The following SPIN1 variants were observed in gnomAD, a reference collection of about 807,000 sequenced individuals.
The protein encoded by SPIN1 is spindlin 1.
In SPIN1, 3 loss-of-function variants were observed where a neutral mutation model predicts 26.0. The observed-to-expected ratio is 0.12, with a 90% CI of 0.05 to 0.30. SPIN1 has a LOEUF of 0.30. SPIN1 is among the 10% of genes least tolerant of loss of function. The pLI is 1.00. For missense variants in SPIN1, 126 were observed against 333.4 expected, an observed-to-expected ratio of 0.38 and a Z score of 4.84; for synonymous variants, 101 against 116.5, an observed-to-expected ratio of 0.87 and a Z score of 0.86.
At chr9:88,436,732 T>C (rs60681739) in intron 2 of SPIN1, among the ~76,000 whole-genome samples, 38 of 151,064 alleles carry the variant, frequency 2.5e-4, no homozygotes, top group Non-Finnish European at 3.1e-4. Context: ...GTAATTAATA[T>C]GCACATAAAT....
intron 1 of SPIN1, among the ~76,000 whole-genome samples, chr9:88,395,606 T>C (rs934248422): frequency 2.0e-5 from 3 of 152,086 alleles, no homozygotes; most frequent in African/African-American, 7.2e-5. Context: ...TTACATTTTC[T>C]TTTTAAAACT....
At chr9:88,411,045 G>A (rs1009207886) in intron 1 of SPIN1, 55 of 1,584,246 alleles carry the variant, frequency 3.5e-5, no homozygotes, top group Non-Finnish European at 4.3e-5. Context: ...CCACTGCCTC[G>A]GTCAGTCATG....
At chr9:88,393,315 C>T (rs1313577939) in intron 1 of SPIN1, among the ~76,000 whole-genome samples, 2 of 150,844 alleles carry the variant, frequency 1.3e-5, no homozygotes, top group Non-Finnish European at 2.9e-5. Flanking sequence ...GGTTATATTT[C>T]TTTGTAGTTG....
intron 2 of SPIN1, among the ~76,000 whole-genome samples, chr9:88,429,986 T>C (rs559445967): frequency 1.3e-5 from 2 of 152,320 alleles, no homozygotes; most frequent in South Asian, 4.2e-4. Flanking sequence ...TAGCCTATTT[T>C]GGAAAGATTG....
At chr9:88,441,310 G>A (rs1347672891) in intron 2 of SPIN1, among the ~76,000 whole-genome samples, 1 of 151,672 alleles carries the variant, frequency 6.6e-6, no homozygotes, top group East Asian at 1.9e-4. Flanking sequence ...GTTGAAGGGG[G>A]TCCTGGAACC....
At chr9:88,389,834 T>C (rs1564018484) in intron 1 of SPIN1, among the ~76,000 whole-genome samples, 1 of 152,228 alleles carries the variant, frequency 6.6e-6, no homozygotes, top group Non-Finnish European at 1.5e-5. Flanking sequence ...TGGAGATTTA[T>C]ACCTGGATAT....
At chr9:88,412,903 C>G (rs1265860238) in intron 1 of SPIN1, among the ~76,000 whole-genome samples, 1 of 151,830 alleles carries the variant, frequency 6.6e-6, no homozygotes, top group Non-Finnish European at 1.5e-5. Context: ...AGGCTGGTCT[C>G]GAACTCCTAA....
At chr9:88,471,450 G>C (rs1299506691) in intron 5 of SPIN1, among the ~76,000 whole-genome samples, 1 of 151,830 alleles carries the variant, frequency 6.6e-6, no homozygotes, top group Non-Finnish European at 1.5e-5. Context: ...GGATCACGAG[G>C]TCAGGAGTTC....
chr9:88,428,760 A>G (rs181180708), intron 2 of SPIN1, among the ~76,000 whole-genome samples: 2 of 152,292 alleles, frequency 1.3e-5, no homozygotes, highest in Non-Finnish European at 2.9e-5. Context: ...AATAGGTTCT[A>G]TGTAAATCCT....
intron 1 of SPIN1, among the ~76,000 whole-genome samples, chr9:88,395,032 TCTC>T (rs1383265676): frequency 6.6e-6 from 1 of 151,852 alleles, no homozygotes; most frequent in African/African-American, 2.4e-5. Context: ...ATGGTCTCGA[TCTC>T]CTGACCTCGT....
chr9:88,460,467 C>A (rs1187420264), intron 3 of SPIN1, among the ~76,000 whole-genome samples: 1 of 152,100 alleles, frequency 6.6e-6, no homozygotes, highest in African/African-American at 2.4e-5. Flanking sequence ...GAAATAGAAT[C>A]GTTGGGAAAT....
intron 4 of SPIN1, among the ~76,000 whole-genome samples, chr9:88,465,116 ATC>A (rs1321346936): frequency 1.3e-5 from 2 of 152,234 alleles, no homozygotes; most frequent in Non-Finnish European, 2.9e-5. Context: ...ATTCCATTGT[ATC>A]TATATACCAC....
chr9:88,423,628 C>G (rs1045829581), intron 1 of SPIN1, among the ~76,000 whole-genome samples: 48 of 151,474 alleles, frequency 3.2e-4, no homozygotes, highest in African/African-American at 1.1e-3. Flanking sequence ...TAGTAGAGAC[C>G]GGGTCTCGAA....
intron 1 of SPIN1, among the ~76,000 whole-genome samples, chr9:88,404,014 A>G (rs576489964): frequency 1.1e-4 from 16 of 152,330 alleles, no homozygotes; most frequent in Middle Eastern, 3.4e-3. Flanking sequence ...TGGTAAGCCT[A>G]TTTGCTCCTA....
At chr9:88,435,777 C>A (rs1044438418) in intron 2 of SPIN1, among the ~76,000 whole-genome samples, 1 of 152,132 alleles carries the variant, frequency 6.6e-6, no homozygotes, top group African/African-American at 2.4e-5. Context: ...AACAGCCTTT[C>A]TTGAGTCCCT....
chr9:88,443,616 G>C (rs1264183880), intron 2 of SPIN1, among the ~76,000 whole-genome samples: 1 of 152,210 alleles, frequency 6.6e-6, no homozygotes, highest in African/African-American at 2.4e-5. Context: ...GCATTTCAAA[G>C]CCTGTGATTT....
chr9:88,432,680 G>T (rs577334074), intron 2 of SPIN1, among the ~76,000 whole-genome samples: 1 of 151,818 alleles, frequency 6.6e-6, no homozygotes, highest in African/African-American at 2.4e-5. Context: ...GTAGAGATGG[G>T]GTTTCACCAT....
chr9:88,453,554 G>A (rs1410755162), intron 3 of SPIN1, among the ~76,000 whole-genome samples: 1 of 149,770 alleles, frequency 6.7e-6, no homozygotes, highest in African/African-American at 2.5e-5. Flanking sequence ...TTTTTTTACC[G>A]AGATGGAGTT....
At position 88,468,296 on chromosome 9, in the gene SPIN1, T is replaced by A. The variant is rs949796545; in HGVS notation, c.356-76T>A. On this transcript the variant is annotated intron_variant, in intron 4 of 5. Coordinates refer to ENST00000375859, the MANE Select transcript of SPIN1 (RefSeq NM_006717.3). ...GACAAAATTTCAGGTGTAGCCTTCT[T>A]TAGTAAATTCAGTCTTCATAGTCGG... 5 of 1,105,404 alleles carry A rather than the reference T, an allele frequency of 4.5e-6. No individual in the cohort carries two copies. The African/African-American group carries it at 8.0e-5, about 18-fold the overall frequency. 68.5% of individuals were successfully genotyped at this position (1,105,404 alleles called of 1,614,324 possible).
Sources: gnomAD v4.1 joint callset for allele counts (sites outside exome capture counted in the v4.1 genomes callset) on GRCh38, gnomAD v4.1.1 for gene constraint, MANE v1.5 for transcripts, NCBI Gene and HGNC (gene_info 2026-07-23, HGNC 2026-07-21) for gene names.